Variants in NXNL2 observed in about 807,000 individuals in gnomAD.
NXNL2 encodes nucleoredoxin-like protein 2.
In NXNL2, 7 loss-of-function variants were observed where a neutral mutation model predicts 11.1. The ratio of observed to expected loss-of-function variants is 0.63; its 90% confidence interval spans 0.36 to 1.18. NXNL2 has a LOEUF of 1.18. NXNL2 is among the 50% of genes most tolerant of loss of function. The pLI, the probability that NXNL2 is intolerant of heterozygous loss-of-function variation, is 0.02. For missense variants in NXNL2, 233 were observed against 217.7 expected, an observed-to-expected ratio of 1.07 and a Z score of -0.44; for synonymous variants, 109 against 101.8, an observed-to-expected ratio of 1.07 and a Z score of -0.42.
At chr9:88,580,049 A>C (rs1204918548), downstream of NXNL2, among the ~76,000 whole-genome samples, 1 of 151,808 alleles carries the variant, frequency 6.6e-6, no homozygotes, top group African/African-American at 2.4e-5. Context: ...CTGAGGCAGG[A>C]GAATCGCTTG....
intron 2 of NXNL2, among the ~76,000 whole-genome samples, chr9:88,574,718 T>G (rs751365279): frequency 7.2e-5 from 11 of 152,164 alleles, no homozygotes; most frequent in Non-Finnish European, 1.5e-4. Flanking sequence ...GCTGGATCCT[T>G]AGGAAGAGGA....
chr9:88,583,791 TC>T, intron 1 of NXNL2, among the ~76,000 whole-genome samples: 1 of 152,262 alleles, frequency 6.6e-6, no homozygotes, highest in East Asian at 1.9e-4. Flanking sequence ...ATGACTGTGG[TC>T]TTATAAGGAG....
chr9:88,570,214 G>T (rs555772371), intron 1 of NXNL2, among the ~76,000 whole-genome samples: 55 of 152,016 alleles, frequency 3.6e-4, no homozygotes, highest in Non-Finnish European at 7.1e-4. Context: ...TGCCTCCCAG[G>T]TTCAAGTGAT....
chr9:88,582,428 C>T (rs1008001077), intron 1 of NXNL2, among the ~76,000 whole-genome samples: 1 of 151,942 alleles, frequency 6.6e-6, no homozygotes, highest in Non-Finnish European at 1.5e-5. Flanking sequence ...GAGATCGCAC[C>T]ACTGCACTCC....
chr9:88,544,779 T>G lies in NXNL2; in HGVS notation c.*232T>G. 7.9e-7 allele frequency: 1 copy of G among 1,260,000 alleles called. No individual in the cohort carries two copies. The highest frequency in any genetic ancestry group is 1.0e-6 in the Non-Finnish European group (1 of 1,004,048). The allele number at this position is 1,260,000 out of a possible 1,614,324, so 78.1% of individuals were successfully genotyped here. A position where few individuals can be genotyped will look rare whatever the true frequency, so the allele number is the denominator to read the frequency against. ...TTATTTTTGTTATTCTTTGCATACCTTTATCCACCTGTGCTTAAGGAAGGA... is the reference window on the plus strand; with the variant it reads ...TTATTTTTGTTATTCTTTGCATACCGTTATCCACCTGTGCTTAAGGAAGGA... On this transcript the variant is annotated 3_prime_UTR_variant, in exon 2 of 2. Transcript: ENST00000375854.
intron 1 of NXNL2, among the ~76,000 whole-genome samples, chr9:88,565,276 T>C (rs1830152214): frequency 6.6e-6 from 1 of 152,238 alleles, no homozygotes; most frequent in Non-Finnish European, 1.5e-5. Context: ...GACATGATGG[T>C]TATGTTTCCA....
rs1829574928 is a variant in NXNL2 at position 88,535,215 on chromosome 9, T to A, written c.-220T>A. Reference sequence around the variant, plus strand: ...CGCGCTGTCGCCCAGGTATCTGGGGTCTCTGGTGTCTGAGTGTCTCATTGT... The same window carrying A: ...CGCGCTGTCGCCCAGGTATCTGGGGACTCTGGTGTCTGAGTGTCTCATTGT... On this transcript the variant is annotated 5_prime_UTR_variant, in exon 1 of 2. Transcript: ENST00000375854. 2 of 538,886 alleles carry A rather than the reference T, an allele frequency of 3.7e-6. No homozygotes were observed. Among genetic ancestry groups the A allele is most frequent in the Admixed American group, 7.5e-5 (2 of 26,664 alleles). 33.4% of individuals were successfully genotyped at this position (538,886 alleles called of 1,614,324 possible).
At chr9:88,551,361 A>G (rs1829928922) in intron 1 of NXNL2, among the ~76,000 whole-genome samples, 2 of 151,942 alleles carry the variant, frequency 1.3e-5, no homozygotes, top group African/African-American at 4.8e-5. Flanking sequence ...TCTATCTGCC[A>G]TCTCTTTTTA....
At chr9:88,572,076 C>T (rs953050780) in intron 2 of NXNL2, among the ~76,000 whole-genome samples, 3 of 152,164 alleles carry the variant, frequency 2.0e-5, no homozygotes, top group Non-Finnish European at 2.9e-5. Flanking sequence ...CTCCCTCAGT[C>T]CCCCATAGCC....
chr9:88,562,585 T>G (rs961296007), intron 1 of NXNL2, among the ~76,000 whole-genome samples: 6 of 151,882 alleles, frequency 4.0e-5, no homozygotes, highest in African/African-American at 1.5e-4. Context: ...AAACCCCATT[T>G]CTACTAAAAA....
At position 88,544,752 on chromosome 9, in the gene NXNL2, A is replaced by C. The variant is rs193193177; in HGVS notation, c.*205A>C. On this transcript the variant is annotated 3_prime_UTR_variant, in exon 2 of 2. Coordinates refer to ENST00000375854, the MANE Select transcript of NXNL2 (RefSeq NM_001161625.2). ...TGATCATGCAGGCTGTTTGTATTAT[A>C]GTTATTTTTGTTATTCTTTGCATAC... is the stretch of plus-strand genomic sequence containing the variant. The C allele has an allele frequency of 4.8e-4, 633 of 1,331,008 alleles. 6 individuals are homozygous for C. The East Asian group carries it at 0.015, about 32-fold the overall frequency. 82.4% of individuals were successfully genotyped at this position (1,331,008 alleles called of 1,614,324 possible).
chr9:88,576,035 A>G (rs1470034400), downstream of NXNL2, among the ~76,000 whole-genome samples: 1 of 152,180 alleles, frequency 6.6e-6, no homozygotes, highest in African/African-American at 2.4e-5. Flanking sequence ...TCTACTAAAA[A>G]ATACAAAAGA....
At chr9:88,538,790 C>T (rs1003459235) in intron 1 of NXNL2, among the ~76,000 whole-genome samples, 2 of 152,204 alleles carry the variant, frequency 1.3e-5, no homozygotes, top group Non-Finnish European at 2.9e-5. Flanking sequence ...TTATCAAGTA[C>T]TTATTATGTG....
rs1241118509 is a variant in NXNL2, at chr9:88,535,561, G to C, written c.127G>C (p.Asp43His). Residue 43 changes from aspartate to histidine, a missense_variant, in exon 1 of 2, where the codon GAC (aspartate) becomes CAC (histidine). Physicochemically the swap from Asp to His is moderately conservative, Grantham distance 81. Transcript: ENST00000375854. ...GGCGGCCCGGTGCGCGCCGAGCCGC[G>C]ACTTCACGCCGCTGCTCTGCGACTT... is the stretch of plus-strand genomic sequence containing the variant. ...FAAARCAPSR[D>H]FTPLLCDFYT... 3.1e-6 allele frequency: 5 copies of C among 1,609,204 alleles called. No homozygotes were observed. In the South Asian group the frequency reaches 5.5e-5, roughly 18 times the overall value.
chr9:88,536,074 G>A (rs1248637892), intron 1 of NXNL2, among the ~76,000 whole-genome samples: 1 of 152,136 alleles, frequency 6.6e-6, no homozygotes, highest in Non-Finnish European at 1.5e-5. Flanking sequence ...GTGAGTTCGC[G>A]GGCTCGGCTC....
intron 1 of NXNL2, among the ~76,000 whole-genome samples, chr9:88,561,673 C>G (rs1195991292): frequency 1.3e-5 from 2 of 152,078 alleles, no homozygotes; most frequent in Non-Finnish European, 2.9e-5. Flanking sequence ...GCACCAATAA[C>G]AAGAGGGGAG....
At chr9:88,563,430 C>T (rs1359222601) in intron 1 of NXNL2, among the ~76,000 whole-genome samples, 1 of 152,222 alleles carries the variant, frequency 6.6e-6, no homozygotes, top group African/African-American at 2.4e-5. Flanking sequence ...CTGTTCTTCA[C>T]GTCCCACACC....
chr9:88,582,679 CTTTCTTCTTTT>C (rs1390533067), intron 1 of NXNL2, among the ~76,000 whole-genome samples: 14 of 123,784 alleles, frequency 1.1e-4, no homozygotes, highest in Non-Finnish European at 2.3e-4. Flanking sequence ...TTTCTTCTTT[CTTTCTTCTTTT>C]GACAGTCTTG....
chr9:88,536,092 C>G (rs1829612314), intron 1 of NXNL2, among the ~76,000 whole-genome samples: 1 of 152,180 alleles, frequency 6.6e-6, no homozygotes, highest in South Asian at 2.1e-4. Flanking sequence ...CTCCGGGAAC[C>G]GCCGGCCCAA....
Sources: gnomAD v4.1 joint callset for allele counts (sites outside exome capture counted in the v4.1 genomes callset) on GRCh38, gnomAD v4.1.1 for gene constraint, MANE v1.5 for transcripts, NCBI Gene and HGNC (gene_info 2026-07-23, HGNC 2026-07-21) for gene names.